ATP6V1C2: variants seen among roughly 807,000 people sequenced by gnomAD.
ATP6V1C2 encodes the protein ATPase H+ transporting V1 subunit C2.
ATP6V1C2 carries 45 observed loss-of-function variants against 56.8 expected under a neutral mutation model. That is an observed-to-expected ratio of 0.79 (90% CI 0.62 to 1.02). ATP6V1C2 has a LOEUF of 1.02. Among genes scored for constraint, ATP6V1C2 ranks in the 50% least tolerant of loss-of-function variants. The pLI is 0.00. For missense variants in ATP6V1C2, 463 were observed against 519.7 expected (o/e 0.89, Z 1.06); for synonymous variants, 220 against 201.3 (o/e 1.09, Z -0.79).
rs1663616482 is a variant in ATP6V1C2 at position 10,757,324 on chromosome 2, T to A, written c.283+3258T>A. 7.6e-6 allele frequency: 3 copies of A among 396,088 alleles called. No homozygotes were observed. In the South Asian group the frequency reaches 3.9e-4, roughly 52 times the overall value. 24.5% of individuals were successfully genotyped at this position (396,088 alleles called of 1,614,324 possible). A position where few individuals can be genotyped will look rare whatever the true frequency, so the allele number is the denominator to read the frequency against. On this transcript the variant is annotated intron_variant, in intron 4 of 13. Transcript: ENST00000272238. ...CACCGCGCCCGGCCAGAGGAGACTT[T>A]ATTTGGCTGTTTAAATTGACATATG...
chr2:10,750,779 A>G (rs16856603), intron 3 of ATP6V1C2, among the ~76,000 whole-genome samples: 28,923 of 152,206 alleles, frequency 0.19, 3,139 homozygotes, highest in East Asian at 0.37. Context: ...GATAGGAGAC[A>G]GCAACTCCCA....
At chr2:10,721,082 G>C (rs1661332615), upstream of ATP6V1C2, 1 of 152,062 alleles carries the variant, frequency 6.6e-6, no homozygotes, top group Non-Finnish European at 1.5e-5. Flanking sequence ...CTGGGCAACC[G>C]GGCGCACACC....
At chr2:10,723,048 G>A in intron 2 of ATP6V1C2, 70 bp downstream of exon 2, 2 of 1,567,242 alleles carry the variant, frequency 1.3e-6, no homozygotes, top group South Asian at 2.4e-5. Flanking sequence ...GAGACAGGTT[G>A]CTACCTCAGG....
intron 3 of ATP6V1C2, among the ~76,000 whole-genome samples, chr2:10,731,317 AG>A (rs1313229893): frequency 6.6e-6 from 1 of 152,196 alleles, no homozygotes; most frequent in Non-Finnish European, 1.5e-5. Context: ...GTCTGCTCTC[AG>A]ACGAATGAAG....
At chr2:10,727,811 A>C (rs1240525248) in intron 3 of ATP6V1C2, among the ~76,000 whole-genome samples, 1 of 150,360 alleles carries the variant, frequency 6.7e-6, no homozygotes, top group Non-Finnish European at 1.5e-5. Context: ...AGGCAGGAGA[A>C]TCGCTTGAGC....
At position 10,764,395 on chromosome 2, in the gene ATP6V1C2, G is replaced by T. The variant is rs746366093; in HGVS notation, c.348G>T (p.Pro116=). ...TGGCCAAATATCCTGTCAAGCAGCC[G>T]CTCGTGAGTGTGGTGGACACAATAG... ...WDMAKYPVKQ[P]LVSVVDTIAK... is the part of the protein sequence containing the mutation. Residue 116 remains proline, a synonymous_variant, in exon 5 of 14, where the codon CCG becomes CCT. Coordinates refer to ENST00000272238, the MANE Select transcript of ATP6V1C2 (RefSeq NM_001039362.2). 1.2e-6 allele frequency: 2 copies of T among 1,614,076 alleles called. No homozygotes were observed. Among genetic ancestry groups the T allele is most frequent in the East Asian group, 2.2e-5 (1 of 44,872 alleles).
chr2:10,723,167 A>G (rs973185882), intron 2 of ATP6V1C2, among the ~76,000 whole-genome samples, 189 bp downstream of exon 2: 1 of 152,166 alleles, frequency 6.6e-6, no homozygotes, highest in Non-Finnish European at 1.5e-5. Flanking sequence ...CATAGTCCCA[A>G]ATAAATTGTG....
At chr2:10,758,648 A>G (rs1384888013) in intron 4 of ATP6V1C2, among the ~76,000 whole-genome samples, 7 of 151,968 alleles carry the variant, frequency 4.6e-5, no homozygotes, top group Admixed American at 3.9e-4. Flanking sequence ...AAACCAGGCC[A>G]GAGAGACCTT....
intron 7 of ATP6V1C2, 36 bp downstream of exon 7, chr2:10,771,973 G>GC: frequency 6.3e-7 from 1 of 1,575,142 alleles, no homozygotes; most frequent in Non-Finnish European, 8.7e-7. Flanking sequence ...AACCGGCCCT[G>GC]CCCAGTGGAG....
intron 2 of ATP6V1C2, 75 bp downstream of exon 2, chr2:10,723,053 C>T (rs1337349683): frequency 4.8e-5 from 75 of 1,557,026 alleles, no homozygotes; most frequent in Non-Finnish European, 6.3e-5. Context: ...AGGTTGCTAC[C>T]TCAGGAAGCC....
intron 10 of ATP6V1C2, among the ~76,000 whole-genome samples, chr2:10,776,641 C>T (rs1665009013): frequency 6.6e-6 from 1 of 152,244 alleles, no homozygotes; most frequent in Non-Finnish European, 1.5e-5. Flanking sequence ...TCCCAACCCC[C>T]TGCGCAGTAT....
chr2:10,732,232 CCTCT>C (rs927599283), intron 3 of ATP6V1C2, among the ~76,000 whole-genome samples: 7 of 150,978 alleles, frequency 4.6e-5, no homozygotes, highest in South Asian at 2.1e-4. Context: ...CCTCCCTCTC[CCTCT>C]CTCTCTCTCT....
chr2:10,724,812 A>G (rs979312274), intron 2 of ATP6V1C2, among the ~76,000 whole-genome samples: 4 of 151,662 alleles, frequency 2.6e-5, no homozygotes, highest in Non-Finnish European at 4.4e-5. Flanking sequence ...AGCTGGGATT[A>G]CAGGCACATG....
At chr2:10,782,526 C>T in intron 13 of ATP6V1C2, 151 bp downstream of exon 13, 1 of 895,486 alleles carries the variant, frequency 1.1e-6, no homozygotes, top group Non-Finnish European at 1.6e-6. Context: ...ATGGTAAGAC[C>T]CTGTCTCTAC....
At chr2:10,743,859 C>T (rs1185341277) in intron 3 of ATP6V1C2, among the ~76,000 whole-genome samples, 1 of 151,782 alleles carries the variant, frequency 6.6e-6, no homozygotes. Context: ...ATGGCGGGCA[C>T]CTATAATCCC....
chr2:10,762,982 C>G (rs992913250), intron 4 of ATP6V1C2, among the ~76,000 whole-genome samples: 1 of 152,052 alleles, frequency 6.6e-6, no homozygotes, highest in Non-Finnish European at 1.5e-5. Context: ...GCCTGCTGCC[C>G]TTGGTCAGCT....
At chr2:10,753,377 A>C (rs2148457684) in intron 3 of ATP6V1C2, among the ~76,000 whole-genome samples, 1 of 152,236 alleles carries the variant, frequency 6.6e-6, no homozygotes, top group South Asian at 2.1e-4. Context: ...TACTTAAACA[A>C]TTCCTTATTG....
chr2:10,746,670 A>G (rs563185184), intron 3 of ATP6V1C2, among the ~76,000 whole-genome samples: 1 of 152,274 alleles, frequency 6.6e-6, no homozygotes, highest in East Asian at 1.9e-4. Flanking sequence ...TCGGCCTTCC[A>G]AAGTGCTGGG....
In ATP6V1C2 at chr2:10,739,285, A is replaced by AAAAT. The variant is rs143835779; in HGVS notation, c.197+12736_197+12739dup. On this transcript the variant is annotated intron_variant, in intron 3 of 13. Coordinates refer to ENST00000272238, the MANE Select transcript of ATP6V1C2 (RefSeq NM_001039362.2). ...GCAATAAGAGCAAAACTCCGTCTCA[A>AAAAT]AAATAAATAAATAAATAAATAAAAG... is the stretch of plus-strand genomic sequence containing the variant. 4.2e-3 allele frequency among the ~76,000 whole-genome samples: 645 copies of AAAAT among 151,776 alleles called. 2 individuals carry two copies. The highest frequency in any genetic ancestry group is 0.015 in the African/African-American group (611 of 41,340).
Sources: allele counts gnomAD v4.1 joint callset (sites outside exome capture counted in the v4.1 genomes callset), GRCh38; gene constraint gnomAD v4.1.1; transcripts MANE v1.5; gene names NCBI Gene and HGNC (gene_info 2026-07-23, HGNC 2026-07-21).